COL14A1: variants seen among roughly 807,000 people sequenced by gnomAD.
The protein encoded by COL14A1 is collagen alpha-1(XIV) chain.
COL14A1 carries 136 observed loss-of-function variants against 230.3 expected under a neutral mutation model. The ratio of observed to expected loss-of-function variants is 0.59; its 90% CI spans 0.51 to 0.68. The LOEUF (loss-of-function observed/expected upper bound fraction) is 0.68, where lower values mean the gene tolerates loss of function less well. Among genes scored for constraint, COL14A1 ranks in the 30% least tolerant of loss-of-function variants. The probability of loss-of-function intolerance (pLI) is 0.00; values close to 1 mark genes in which losing one functional copy is unlikely to be tolerated. For missense variants in COL14A1, 1,976 were observed against 2,215.8 expected, an observed-to-expected ratio of 0.89 and a Z score of 2.17; for synonymous variants, 792 against 784.1, an observed-to-expected ratio of 1.01 and a Z score of -0.17.
At chr8:120,226,062 TGCA>T (rs1209334026) in intron 15 of COL14A1, among the ~76,000 whole-genome samples, 1 of 151,972 alleles carries the variant, frequency 6.6e-6, no homozygotes, top group African/African-American at 2.4e-5. Context: ...TTATTTTGGG[TGCA>T]GTTGGGTGTT....
chr8:120,187,579 A>G (rs1816688404), intron 5 of COL14A1, among the ~76,000 whole-genome samples: 1 of 152,262 alleles, frequency 6.6e-6, no homozygotes, highest in South Asian at 2.1e-4. Context: ...GTTGCATAAC[A>G]TCAAATGAAT....
rs1379047536 is a variant in COL14A1 at position 120,243,936 on chromosome 8, G to A, written c.2407G>A (p.Glu803Lys). The change falls in exon 20 of 48, where the codon GAA (glutamate) becomes AAA (lysine). Residue 803 changes from glutamate (E) to lysine (K), a missense_variant. Coordinates refer to ENST00000297848, the MANE Select transcript of COL14A1 (RefSeq NM_021110.4). ...TCTGAAGCCTCTGCTTCCTGATACT[G>A]AATACAAAGTCACAGTGACTCCCAT... is the stretch of plus-strand genomic sequence containing the variant. The part of the protein sequence containing the change: ...LLLKPLLPDT[E>K]YKVTVTPIYT... The A allele has an allele frequency of 6.2e-7, 1 of 1,613,398 alleles. No homozygotes were observed. Among genetic ancestry groups the A allele is most frequent in the East Asian group, 2.2e-5 (1 of 44,864 alleles).
chr8:120,193,350 G>T (rs1020613393), intron 5 of COL14A1, among the ~76,000 whole-genome samples: 20 of 152,324 alleles, frequency 1.3e-4, no homozygotes, highest in African/African-American at 4.8e-4. Context: ...AACGGTGGCT[G>T]CAGAACAGTA....
intron 23 of COL14A1, 102 bp downstream of exon 23, chr8:120,255,458 C>T (rs1819114606): frequency 1.1e-6 from 1 of 902,286 alleles, no homozygotes; most frequent in Admixed American, 1.8e-5. Context: ...CAACAGCCCT[C>T]TTGTCAAGGA....
intron 5 of COL14A1, among the ~76,000 whole-genome samples, chr8:120,196,587 C>T (rs1817046025): frequency 6.6e-6 from 1 of 152,144 alleles, no homozygotes; most frequent in South Asian, 2.1e-4. Flanking sequence ...TTCCTATTTC[C>T]AGAGTACTGG....
At chr8:120,208,491 C>G (rs1195414195) in intron 11 of COL14A1, 130 bp downstream of exon 11, 2 of 1,039,804 alleles carry the variant, frequency 1.9e-6, no homozygotes, top group East Asian at 2.5e-5. Context: ...TCATAGAAGA[C>G]ATTTGTCGTG....
chr8:120,163,360 A>G (rs1815755196), intron 4 of COL14A1, among the ~76,000 whole-genome samples: 1 of 152,130 alleles, frequency 6.6e-6, no homozygotes, highest in South Asian at 2.1e-4. Flanking sequence ...GCATTTGGAG[A>G]AAGGATAGGG....
chr8:120,205,120 T>G (rs572123338), intron 9 of COL14A1, among the ~76,000 whole-genome samples: 25 of 152,264 alleles, frequency 1.6e-4, no homozygotes, highest in African/African-American at 5.8e-4. Flanking sequence ...CTGTGTTGAT[T>G]GTCTGCAGTA....
chr8:120,173,648 CTCTATCTA>C (rs59734398), intron 5 of COL14A1, among the ~76,000 whole-genome samples: 4,509 of 146,310 alleles, frequency 0.031, 118 homozygotes, highest in African/African-American at 0.059. Context: ...TATTATCTGT[CTCTATCTA>C]TCTATCTATC....
chr8:120,279,997 A>G lies in COL14A1; in HGVS notation c.3544A>G (p.Ser1182Gly), dbSNP rs947307996. ...ADYSELVSIG[S>G]KPSARHVFFV... is the part of the protein sequence containing the mutation. ...TTACTCGGAGTTGGTTAGCATTGGC[A>G]GTAAGCCCAGCGCACGCCATGTCTT... is the stretch of plus-strand genomic sequence containing the variant. The change falls in exon 29 of 48, where the codon AGT becomes GGT. Residue 1182 changes from serine (S) to glycine (G), a missense_variant. This residue lies in a region of COL14A1 where 1,791 missense variants were observed against 2,019.5 expected (regional missense o/e 0.89). Coordinates refer to ENST00000297848, the MANE Select transcript of COL14A1 (RefSeq NM_021110.4). 6.2e-7 allele frequency: 1 copy of G among 1,613,880 alleles called. No homozygotes were observed. The highest frequency in any genetic ancestry group is 8.5e-7 in the Non-Finnish European group (1 of 1,179,858).
intron 8 of COL14A1, among the ~76,000 whole-genome samples, chr8:120,200,767 T>TATATA (rs1554606076): frequency 3.0e-4 from 31 of 104,216 alleles, no homozygotes; most frequent in Non-Finnish European, 4.3e-4. Context: ...ATATATATAT[T>TATATA]ATTTTTCATC....
At chr8:120,164,466 G>A (rs1352251932) in intron 4 of COL14A1, among the ~76,000 whole-genome samples, 1 of 151,762 alleles carries the variant, frequency 6.6e-6, no homozygotes, top group African/African-American at 2.4e-5. Flanking sequence ...TTATAGGCTG[G>A]TGCAAAAGTA....
intron 45 of COL14A1, among the ~76,000 whole-genome samples, chr8:120,350,893 G>A (rs1234639038): frequency 6.6e-5 from 10 of 151,042 alleles, no homozygotes; most frequent in African/African-American, 1.5e-4. Flanking sequence ...GGACCTAATA[G>A]ACATCTACAG....
chr8:120,258,691 A>T (rs1819237054), intron 23 of COL14A1, among the ~76,000 whole-genome samples: 1 of 152,204 alleles, frequency 6.6e-6, no homozygotes, highest in South Asian at 2.1e-4. Flanking sequence ...GACTGAAATA[A>T]AATCTGCTTT....
At chr8:120,198,203 C>G (rs1817110387) in intron 7 of COL14A1, among the ~76,000 whole-genome samples, 1 of 152,120 alleles carries the variant, frequency 6.6e-6, no homozygotes, top group South Asian at 2.1e-4. Context: ...AGCTGTCTAA[C>G]TTTTGTCAGC....
At chr8:120,156,151 T>C (rs368116882) in intron 2 of COL14A1, among the ~76,000 whole-genome samples, 1 of 148,518 alleles carries the variant, frequency 6.7e-6, no homozygotes, top group Non-Finnish European at 1.5e-5. Flanking sequence ...TCTTCATTCA[T>C]CTAGCTCAAT....
At chr8:120,326,616 G>A (rs1309033969) in intron 40 of COL14A1, among the ~76,000 whole-genome samples, 8 of 152,100 alleles carry the variant, frequency 5.3e-5, no homozygotes, top group African/African-American at 1.7e-4. Context: ...AGAAAAAATG[G>A]CTTTGTGTTT....
chr8:120,210,006 T>A, intron 12 of COL14A1, 105 bp downstream of exon 12: 1 of 965,862 alleles, frequency 1.0e-6, no homozygotes. Context: ...AATTTCAGAT[T>A]AGCCAAAAGA....
At chr8:120,165,254 C>T (rs778050529) in intron 4 of COL14A1, among the ~76,000 whole-genome samples, 32 of 152,172 alleles carry the variant, frequency 2.1e-4, no homozygotes, top group Non-Finnish European at 2.9e-4. Flanking sequence ...AGAAAACTTT[C>T]GTGGTTGGAT....
Sources: allele counts gnomAD v4.1 joint callset (sites outside exome capture counted in the v4.1 genomes callset), GRCh38; gene constraint gnomAD v4.1.1; regional missense constraint gnomAD v4.1.1; transcripts MANE v1.5; gene names NCBI Gene and HGNC (gene_info 2026-07-23, HGNC 2026-07-21).